Variants in CTNND2 observed in about 807,000 individuals in gnomAD.
CTNND2 encodes catenin delta-2.
CTNND2 carries 22 observed loss-of-function variants against 144.4 expected under a neutral mutation model. The ratio of observed to expected loss-of-function variants is 0.15; its 90% CI spans 0.11 to 0.22. The LOEUF (loss-of-function observed/expected upper bound fraction) is 0.22, where lower values mean the gene tolerates loss of function less well. Ranked by LOEUF, CTNND2 falls within the 10% of genes least tolerant of loss-of-function variation. The probability of loss-of-function intolerance (pLI) is 1.00; values close to 1 mark genes in which losing one functional copy is unlikely to be tolerated. For missense variants in CTNND2, 1,353 were observed against 1,618.8 expected (o/e 0.84, Z 2.82); for synonymous variants, 751 against 695.6 (o/e 1.08, Z -1.25).
intron 2 of CTNND2, among the ~76,000 whole-genome samples, chr5:11,665,596 A>G (rs1204762590): frequency 6.6e-6 from 1 of 152,214 alleles, no homozygotes; most frequent in Non-Finnish European, 1.5e-5. Context: ...ATCATCTTCA[A>G]GCATGGCTAC....
intron 1 of CTNND2, among the ~76,000 whole-genome samples, chr5:11,744,757 A>AT (rs1197937875): frequency 1.3e-5 from 2 of 150,936 alleles, no homozygotes; most frequent in Non-Finnish European, 3.0e-5. Flanking sequence ...TATTATTATT[A>AT]TTTTTTTGAG....
chr5:11,652,183 T>G (rs951195381), intron 2 of CTNND2, among the ~76,000 whole-genome samples: 1 of 152,214 alleles, frequency 6.6e-6, no homozygotes, highest in Non-Finnish European at 1.5e-5. Flanking sequence ...CCCCGTGCTA[T>G]TTTTGTGATA....
intron 1 of CTNND2, among the ~76,000 whole-genome samples, chr5:11,769,940 T>C (rs1483079222): frequency 2.6e-5 from 4 of 152,230 alleles, no homozygotes; most frequent in East Asian, 3.9e-4. Context: ...CTTGAAAATA[T>C]GTTAGCAGTC....
At chr5:11,226,974 G>C (rs111269474) in intron 10 of CTNND2, among the ~76,000 whole-genome samples, 212 of 152,284 alleles carry the variant, frequency 1.4e-3, no homozygotes, top group African/African-American at 5.0e-3. Context: ...ATGTTGGTAT[G>C]TGCAGATGGC....
intron 15 of CTNND2, among the ~76,000 whole-genome samples, chr5:11,092,698 T>C (rs1185726350): frequency 6.6e-6 from 1 of 152,236 alleles, no homozygotes; most frequent in Non-Finnish European, 1.5e-5. Flanking sequence ...TAGTTTCTAA[T>C]TGATGAGGCA....
chr5:11,231,744 A>G (rs1215949610), intron 10 of CTNND2, among the ~76,000 whole-genome samples: 1 of 152,268 alleles, frequency 6.6e-6, no homozygotes, highest in African/African-American at 2.4e-5. Flanking sequence ...AGAAATTTGC[A>G]TAAGTAACAA....
chr5:11,806,912 G>T (rs1404551942), intron 1 of CTNND2, among the ~76,000 whole-genome samples: 3 of 152,046 alleles, frequency 2.0e-5, no homozygotes, highest in Admixed American at 1.3e-4. Context: ...ACAGTGCACT[G>T]CTAGTAGTAA....
chr5:11,490,021 C>T (rs992178615), intron 3 of CTNND2, among the ~76,000 whole-genome samples: 1 of 152,152 alleles, frequency 6.6e-6, no homozygotes, highest in Non-Finnish European at 1.5e-5. Context: ...AGGGTAAAAT[C>T]CCTGATGTGA....
At chr5:11,483,109 G>C (rs1768442869) in intron 3 of CTNND2, among the ~76,000 whole-genome samples, 1 of 152,136 alleles carries the variant, frequency 6.6e-6, no homozygotes, top group East Asian at 1.9e-4. Flanking sequence ...GTGGATGGAG[G>C]ACAGTAGTGG....
Position 11,264,704 on chromosome 5 carries a change from C to T in CTNND2, c.1629-27881G>A, listed in dbSNP as rs192415465. On this transcript the variant is annotated intron_variant, in intron 9 of 21. Coordinates refer to ENST00000304623, the MANE Select transcript of CTNND2 (RefSeq NM_001332.4). Reference sequence around the variant, plus strand: ...CAGCACTTTGGGAGGGCGAGGCAGGCGGTTGGCCTGAGCTCAGGAGTTCAA... The same window carrying T: ...CAGCACTTTGGGAGGGCGAGGCAGGTGGTTGGCCTGAGCTCAGGAGTTCAA... 3.9e-3 allele frequency among the ~76,000 whole-genome samples: 601 copies of T among 152,228 alleles called. 12 individuals carry two copies. The highest frequency in any genetic ancestry group is 0.037 in the Admixed American group (565 of 15,294).
Position 10,988,159 on chromosome 5 carries a change from A to G in CTNND2, c.3295T>C (p.Tyr1099His), listed in dbSNP as rs1171963901. Reference protein sequence around the residue: ...DYECTGSNATYHGAKGEHTSR... With the variant: ...DYECTGSNATHHGAKGEHTSR... Reference sequence around the variant, plus strand: ...GTGTGTTCGCCTTTAGCTCCGTGGTAGGTGGCGTTGCTGCCGGTGCACTCG... The same window carrying G: ...GTGTGTTCGCCTTTAGCTCCGTGGTGGGTGGCGTTGCTGCCGGTGCACTCG... The change falls in exon 20 of 22, where the codon TAC (tyrosine) becomes CAC (histidine). Residue 1099 changes from tyrosine (Y) to histidine (H), a missense_variant. Around this residue, in one of 4 missense-constraint regions of CTNND2, gnomAD observed 459 missense variants for 674.3 expected, o/e 0.68. Transcript: ENST00000304623. This position sits in a 1 kb window ranked among gnomAD's most constrained non-coding sequence, Gnocchi z 5.9. 34 of 1,614,090 alleles carry G rather than the reference A, an allele frequency of 2.1e-5. No homozygotes were observed. The highest frequency in any genetic ancestry group is 2.7e-5 in the Non-Finnish European group (32 of 1,180,050).
chr5:11,781,855 C>T (rs1790557836), intron 1 of CTNND2, among the ~76,000 whole-genome samples: 1 of 152,176 alleles, frequency 6.6e-6, no homozygotes, highest in Non-Finnish European at 1.5e-5. Flanking sequence ...CCTGTAAATG[C>T]ACTACTTTTA....
At chr5:11,287,900 C>A (rs901053839) in intron 9 of CTNND2, among the ~76,000 whole-genome samples, 1 of 152,196 alleles carries the variant, frequency 6.6e-6, no homozygotes, top group Non-Finnish European at 1.5e-5. Context: ...TCAGTTGATA[C>A]AATAAATGCG....
intron 1 of CTNND2, among the ~76,000 whole-genome samples, chr5:11,771,537 TGA>T (rs1245533186): frequency 6.6e-6 from 1 of 152,190 alleles, no homozygotes; most frequent in African/African-American, 2.4e-5. Context: ...TTTTTTTAAA[TGA>T]GAGATATATT....
At chr5:11,016,536 GC>G (rs1390400778) in intron 18 of CTNND2, among the ~76,000 whole-genome samples, 1 of 152,174 alleles carries the variant, frequency 6.6e-6, no homozygotes, top group African/African-American at 2.4e-5. Flanking sequence ...CACGTCCCTG[GC>G]CAGTGAGTGG....
At chr5:11,853,327 C>A (rs551195366) in intron 1 of CTNND2, among the ~76,000 whole-genome samples, 1 of 152,286 alleles carries the variant, frequency 6.6e-6, no homozygotes, top group East Asian at 1.9e-4. Context: ...ACAGCATTCT[C>A]TGCATGTTTT....
intron 3 of CTNND2, among the ~76,000 whole-genome samples, chr5:11,454,540 T>C (rs1374508806): frequency 6.6e-6 from 1 of 152,178 alleles, no homozygotes; most frequent in Non-Finnish European, 1.5e-5. Context: ...TTGATTGGTC[T>C]GCACTATGCA....
At chr5:11,364,650 C>T (rs375723001) in intron 8 of CTNND2, 46 bp downstream of exon 8, 1 of 1,513,154 alleles carries the variant, frequency 6.6e-7, no homozygotes. Context: ...CCGCGCAGAG[C>T]CCACCCCCTG....
chr5:11,179,171 TAGTCTC>T (rs1219611283), intron 11 of CTNND2, among the ~76,000 whole-genome samples: 2 of 151,616 alleles, frequency 1.3e-5, no homozygotes, highest in Non-Finnish European at 2.9e-5. Flanking sequence ...AGGTGCCCTG[TAGTCTC>T]AGCTACTCGG....
Sources: allele counts gnomAD v4.1 joint callset (sites outside exome capture counted in the v4.1 genomes callset), GRCh38; gene constraint gnomAD v4.1.1; regional missense constraint gnomAD v4.1.1; non-coding constraint Gnocchi (gnomAD v3.1); transcripts MANE v1.5; gene names NCBI Gene and HGNC (gene_info 2026-07-23, HGNC 2026-07-21).